PPARGC1B: variants seen among roughly 807,000 people sequenced by gnomAD.
PPARGC1B encodes PPARG coactivator 1 beta, also known as peroxisome proliferator-activated receptor gamma coactivator 1-beta.
In PPARGC1B, 34 loss-of-function variants were observed where a neutral mutation model predicts 101.6. That is an observed-to-expected ratio of 0.33 (90% CI 0.25 to 0.45). PPARGC1B has a LOEUF of 0.45. Ranked by LOEUF, PPARGC1B falls within the 20% of genes least tolerant of loss-of-function variation. PPARGC1B has a pLI of 1.00. For missense variants in PPARGC1B, 1,234 were observed against 1,317.6 expected (o/e 0.94, Z 0.98); for synonymous variants, 548 against 539.3 (o/e 1.02, Z -0.22).
intron 1 of PPARGC1B, among the ~76,000 whole-genome samples, chr5:149,748,351 T>C (rs529712708): frequency 1.3e-5 from 2 of 151,496 alleles, no homozygotes; most frequent in African/African-American, 4.9e-5. Context: ...CAGTGGGTAG[T>C]TGAGTTGAGA....
At chr5:149,771,635 A>G (rs1202424691) in intron 1 of PPARGC1B, among the ~76,000 whole-genome samples, 1 of 152,268 alleles carries the variant, frequency 6.6e-6, no homozygotes, top group Non-Finnish European at 1.5e-5. Context: ...CGTGTCCTAC[A>G]TAAATTATAG....
chr5:149,813,155 C>T (rs189362109), intron 1 of PPARGC1B, among the ~76,000 whole-genome samples: 1 of 152,286 alleles, frequency 6.6e-6, no homozygotes, highest in Admixed American at 6.5e-5. Context: ...GTGGTATCGC[C>T]ATGGAAAGAG....
intron 1 of PPARGC1B, among the ~76,000 whole-genome samples, chr5:149,787,820 G>C (rs1756868617): frequency 6.6e-6 from 1 of 152,188 alleles, no homozygotes; most frequent in South Asian, 2.1e-4. Flanking sequence ...AGAAGATTTT[G>C]TCTGTACAAT....
chr5:149,845,185 T>C (rs1329686496), intron 10 of PPARGC1B, among the ~76,000 whole-genome samples: 1 of 152,110 alleles, frequency 6.6e-6, no homozygotes, highest in Non-Finnish European at 1.5e-5. Flanking sequence ...ATGTCTACCA[T>C]GAAGGGCAAG....
chr5:149,732,731 G>T (rs1754548884), intron 1 of PPARGC1B: 3 of 463,984 alleles, frequency 6.5e-6, no homozygotes, highest in Non-Finnish European at 1.3e-5. Context: ...GGCGGGCCCA[G>T]TGTGCTCCTC....
At chr5:149,799,687 G>GTTTTTTT (rs1561553708) in intron 1 of PPARGC1B, among the ~76,000 whole-genome samples, 2 of 85,434 alleles carry the variant, frequency 2.3e-5, no homozygotes, top group African/African-American at 8.4e-5. Flanking sequence ...TTGTTTGCTT[G>GTTTTTTT]TTGTTGTTTT....
intron 3 of PPARGC1B, among the ~76,000 whole-genome samples, chr5:149,828,910 G>T (rs1758633907): frequency 6.6e-6 from 1 of 151,590 alleles, no homozygotes; most frequent in Non-Finnish European, 1.5e-5. Context: ...AATTAGCCCG[G>T]TATGGTGGCA....
chr5:149,763,526 G>GTTTTTTT (rs70973540), intron 1 of PPARGC1B, among the ~76,000 whole-genome samples: 3 of 67,676 alleles, frequency 4.4e-5, no homozygotes, highest in African/African-American at 6.0e-5. Context: ...TTCACTCCTG[G>GTTTTTTT]TTTTTTTTTT....
chr5:149,736,172 A>T (rs1754700488), intron 1 of PPARGC1B, among the ~76,000 whole-genome samples: 1 of 152,160 alleles, frequency 6.6e-6, no homozygotes, highest in African/African-American at 2.4e-5. Context: ...AATGCAGAAC[A>T]AGTCCCTCTG....
intron 11 of PPARGC1B, chr5:149,847,182 G>A (rs1759598165): frequency 1.8e-6 from 1 of 561,382 alleles, no homozygotes; most frequent in South Asian, 2.0e-5. Flanking sequence ...AGAGTTGTAG[G>A]GTGTTGGAGC....
Position 149,836,688 on chromosome 5 carries a change from G to A in PPARGC1B, c.2233G>A (p.Ala745Thr), listed in dbSNP as rs1436290627. 1 of 1,613,626 alleles carries A rather than the reference G, an allele frequency of 6.2e-7. No homozygotes were observed. Among genetic ancestry groups the A allele is most frequent in the African/African-American group, 1.3e-5 (1 of 74,944 alleles). ...CAGGGAGGAAGACAGAAGCTGTGAT[G>A]CTGGCGCCCCACCCAAGGACAGCAC... ...PGREEDRSCD[A>T]GAPPKDSTLL... The change falls in exon 8 of 12, where the codon GCT becomes ACT. Residue 745 changes from alanine to threonine, a missense_variant. Physicochemically the swap from Ala to Thr is moderately conservative, Grantham distance 58 (BLOSUM62 0). Transcript: ENST00000309241.
Position 149,837,082 on chromosome 5 carries a change from A to G in PPARGC1B, c.2618+9A>G, listed in dbSNP as rs201352371. 11,283 of 1,594,130 alleles carry G rather than the reference A, an allele frequency of 7.1e-3. 47 individuals are homozygous for G. Among genetic ancestry groups the G allele is most frequent in the Non-Finnish European group, 8.8e-3 (10,231 of 1,167,936 alleles). On this transcript the variant is annotated intron_variant, in intron 8 of 11. Transcript: ENST00000309241. This position sits in a 1 kb window ranked among gnomAD's most constrained non-coding sequence, Gnocchi z 4.2. ...ACTCGAAGGAACTTCAGGTATGAAC[A>G]GGGGGCTGCAGGAGAGGCAGCGGGC...
chr5:149,789,779 A>G (rs189381440), intron 1 of PPARGC1B, among the ~76,000 whole-genome samples: 1 of 152,222 alleles, frequency 6.6e-6, no homozygotes, highest in Non-Finnish European at 1.5e-5. Context: ...AGTGCCATGC[A>G]CCTGAAAGGG....
At chr5:149,749,394 A>G (rs1755207229) in intron 1 of PPARGC1B, among the ~76,000 whole-genome samples, 1 of 152,198 alleles carries the variant, frequency 6.6e-6, no homozygotes, top group Non-Finnish European at 1.5e-5. Context: ...CTGGACGGGA[A>G]TGTGAGACTT....
intron 1 of PPARGC1B, among the ~76,000 whole-genome samples, chr5:149,803,056 C>T (rs377051944): frequency 3.8e-4 from 58 of 152,288 alleles, no homozygotes; most frequent in Middle Eastern, 3.4e-3. Flanking sequence ...TGATGGGGCA[C>T]CTGACACTTT....
intron 1 of PPARGC1B, among the ~76,000 whole-genome samples, chr5:149,768,276 G>A (rs1279950542): frequency 6.6e-6 from 1 of 152,076 alleles, no homozygotes. Flanking sequence ...TTGCCACTCA[G>A]CGATAGGGTT....
At position 149,840,977 on chromosome 5, in the gene PPARGC1B, T is replaced by A. The variant is rs562962833; in HGVS notation, c.2694+861T>A. On this transcript the variant is annotated intron_variant, in intron 9 of 11. Transcript: ENST00000309241. ...TCTTCTTGGAGTCTGGGTCTGGTCA[T>A]TCAGCAGTTACAGGCCTAGCACAGT... 3.3e-5 allele frequency among the ~76,000 whole-genome samples: 5 copies of A among 152,238 alleles called. No homozygotes were observed. The South Asian group carries it at 1.0e-3, about 32-fold the overall frequency.
intron 1 of PPARGC1B, among the ~76,000 whole-genome samples, chr5:149,790,607 A>G (rs923389091): frequency 4.6e-5 from 7 of 152,174 alleles, no homozygotes; most frequent in African/African-American, 1.7e-4. Context: ...AGGCTGAGGC[A>G]TCTGGGAGTG....
chr5:149,761,529 G>A (rs1203316248), intron 1 of PPARGC1B: 2 of 152,214 alleles, frequency 1.3e-5, no homozygotes, highest in South Asian at 2.1e-4. Context: ...GCACTCTCAC[G>A]TTCATTGCAG....
Sources: gnomAD v4.1 joint callset for allele counts (sites outside exome capture counted in the v4.1 genomes callset) on GRCh38, gnomAD v4.1.1 for gene constraint, Gnocchi (gnomAD v3.1) non-coding constraint, MANE v1.5 for transcripts, NCBI Gene and HGNC (gene_info 2026-07-23, HGNC 2026-07-21) for gene names.